ZNF680: variants seen among roughly 807,000 people sequenced by gnomAD.
The protein encoded by ZNF680 is hypothetical protein FLJ90430.
Under a neutral mutation model 12.1 loss-of-function variants are expected in ZNF680, and 6 were observed. That is an observed-to-expected ratio of 0.49 (90% CI 0.27 to 0.98). The LOEUF is 0.98. Among genes scored for constraint, ZNF680 ranks in the 50% least tolerant of loss-of-function variants. ZNF680 has a pLI of 0.12. For synonymous variants in ZNF680, 170 were observed against 199.3 expected (o/e 0.85, Z 1.24); for missense variants, 561 against 616.3 (o/e 0.91, Z 0.95).
chr7:64,510,888 C>T, the ZNF680 span, among the ~76,000 whole-genome samples: 98 of 72,670 alleles, frequency 1.3e-3, 1 homozygote, highest in African/African-American at 4.9e-3. Context: ...CCAGCCTGGG[C>T]GACAGAGCGA....
intron 3 of ZNF680, among the ~76,000 whole-genome samples, chr7:64,536,169 A>G (rs1046535460): frequency 3.9e-5 from 6 of 152,248 alleles, no homozygotes; most frequent in African/African-American, 1.4e-4. Flanking sequence ...AATTGTAGAT[A>G]TCAAGACCCC....
the ZNF680 span, among the ~76,000 whole-genome samples, chr7:64,513,834 C>T: frequency 3.3e-5 from 5 of 151,766 alleles, no homozygotes; most frequent in East Asian, 1.9e-4. Context: ...TTAGTAGAGA[C>T]GGGATTTCAC....
At chr7:64,535,595 T>C (rs1012345052) in intron 3 of ZNF680, among the ~76,000 whole-genome samples, 3 of 152,112 alleles carry the variant, frequency 2.0e-5, no homozygotes, top group African/African-American at 7.2e-5. Flanking sequence ...TTCATGCCAA[T>C]AGTAACCACG....
chr7:64,525,894 G>C (rs1157677004), intron 3 of ZNF680: 5 of 984,728 alleles, frequency 5.1e-6, no homozygotes, highest in African/African-American at 1.7e-5. Flanking sequence ...GTCATAAAAA[G>C]AACAGGGAAA....
At chr7:64,531,321 C>G (rs553065580) in intron 3 of ZNF680, among the ~76,000 whole-genome samples, 2 of 151,992 alleles carry the variant, frequency 1.3e-5, no homozygotes, top group Non-Finnish European at 1.5e-5. Context: ...ATCAGCCGGG[C>G]GCAGTGACTC....
chr7:64,558,898 T>TTTTGGGAACTTCAGTA (rs1472045665), intron 1 of ZNF680, among the ~76,000 whole-genome samples: 1 of 151,828 alleles, frequency 6.6e-6, no homozygotes, highest in African/African-American at 2.4e-5. Context: ...CCAAAGAATG[T>TTTTGGGAACTTCAGTA]TTTGGGAACT....
chr7:64,553,918 G>T (rs1046255015), intron 1 of ZNF680, among the ~76,000 whole-genome samples: 4 of 152,132 alleles, frequency 2.6e-5, no homozygotes, highest in Non-Finnish European at 5.9e-5. Flanking sequence ...GTGCAGTGGC[G>T]TGATCTCGGC....
At chr7:64,540,172 C>A (rs914121244) in intron 3 of ZNF680, among the ~76,000 whole-genome samples, 4 of 151,968 alleles carry the variant, frequency 2.6e-5, no homozygotes, top group Non-Finnish European at 5.9e-5. Flanking sequence ...TAGATATGAT[C>A]GGACAACCAT....
downstream of ZNF680, among the ~76,000 whole-genome samples, chr7:64,516,211 C>T (rs1427750468): frequency 6.6e-6 from 1 of 152,172 alleles, no homozygotes; most frequent in Non-Finnish European, 1.5e-5. Flanking sequence ...CTTTTGTGTT[C>T]GTACTTTTTA....
At chr7:64,508,140 T>TATATATATATATATATATAC in the ZNF680 span, among the ~76,000 whole-genome samples, 6 of 134,822 alleles carry the variant, frequency 4.5e-5, no homozygotes, top group African/African-American at 1.8e-4. Context: ...TATATATATA[T>TATATATATATATATATATAC]ATACATAATT....
chr7:64,500,232 A>G, the ZNF680 span, among the ~76,000 whole-genome samples: 4 of 152,156 alleles, frequency 2.6e-5, no homozygotes, highest in Non-Finnish European at 4.4e-5. Flanking sequence ...TAATGACCCA[A>G]ATGAAGCTCA....
At chr7:64,545,189 G>C (rs1261624526) in intron 1 of ZNF680, among the ~76,000 whole-genome samples, 1 of 148,344 alleles carries the variant, frequency 6.7e-6, no homozygotes, top group Non-Finnish European at 1.5e-5. Flanking sequence ...GCTTGAACCT[G>C]GGAGGTGGAG....
Position 64,543,818 on chromosome 7 carries a change from T to G in ZNF680, c.158-16A>C. 2 of 1,605,468 alleles carry G rather than the reference T, an allele frequency of 1.2e-6. No homozygotes were observed. The highest frequency in any genetic ancestry group is 1.7e-6 in the Non-Finnish European group (2 of 1,173,132). On this transcript the variant is annotated splice_polypyrimidine_tract_variant and intron_variant, in intron 2 of 3. Coordinates refer to ENST00000309683, the MANE Select transcript of ZNF680 (RefSeq NM_178558.5). ...ACAGCAATACCTGTTTTATTAAAAA[T>G]AAATAACATGAATCTTGCTCATATT...
chr7:64,540,968 C>T (rs2862879), intron 3 of ZNF680, among the ~76,000 whole-genome samples: 46,039 of 151,838 alleles, frequency 0.3, 7,251 homozygotes, highest in East Asian at 0.45. Context: ...CAAAAATTTA[C>T]AAGAAATTAG....
intron 3 of ZNF680, among the ~76,000 whole-genome samples, chr7:64,526,806 AGTT>A (rs940113458): frequency 1.5e-4 from 23 of 152,350 alleles, no homozygotes; most frequent in East Asian, 7.7e-4. Flanking sequence ...ATTAAATTGA[AGTT>A]GTTATGAAAT....
intron 3 of ZNF680, among the ~76,000 whole-genome samples, chr7:64,538,855 G>A (rs1786322077): frequency 6.6e-6 from 1 of 152,106 alleles, no homozygotes; most frequent in African/African-American, 2.4e-5. Context: ...ACGCGGCCAG[G>A]CACAGTGGCT....
chr7:64,529,076 C>T (rs1055538892), intron 3 of ZNF680, among the ~76,000 whole-genome samples: 2 of 151,250 alleles, frequency 1.3e-5, no homozygotes, highest in Non-Finnish European at 2.9e-5. Flanking sequence ...AGGGAGATAA[C>T]AATCAATACA....
the ZNF680 span, among the ~76,000 whole-genome samples, chr7:64,506,911 AAC>A: frequency 2.0e-5 from 3 of 152,200 alleles, no homozygotes; most frequent in South Asian, 4.1e-4. Flanking sequence ...TAAATTTATT[AAC>A]ACATATATAG....
chr7:64,543,883 TGTC>T, intron 2 of ZNF680, 81 bp from the exon 3 acceptor site: 2 of 1,160,304 alleles, frequency 1.7e-6, no homozygotes, highest in South Asian at 1.3e-5. Flanking sequence ...GTAAAGAGAA[TGTC>T]ATAGCATATT....
Sources: allele counts gnomAD v4.1 joint callset (sites outside exome capture counted in the v4.1 genomes callset), GRCh38; gene constraint gnomAD v4.1.1; transcripts MANE v1.5; gene names NCBI Gene and HGNC (gene_info 2026-07-23, HGNC 2026-07-21).